Variants in UBR3 observed in about 807,000 individuals in gnomAD.
UBR3 encodes the protein E3 ubiquitin-protein ligase UBR3.
UBR3 carries 85 observed loss-of-function variants against 243.2 expected under a neutral mutation model. That is an observed-to-expected ratio of 0.35 (90% CI 0.29 to 0.42). UBR3 has a LOEUF of 0.42. Ranked by LOEUF, UBR3 falls within the 10% of genes least tolerant of loss-of-function variation. The pLI, the probability that UBR3 is intolerant of heterozygous loss-of-function variation, is 1.00. For missense variants in UBR3, 1,686 were observed against 2,300.8 expected (o/e 0.73, Z 5.47); for synonymous variants, 748 against 799.8 (o/e 0.94, Z 1.09).
chr2:170,012,418 T>C (rs2090111901), intron 29 of UBR3, among the ~76,000 whole-genome samples: 1 of 152,160 alleles, frequency 6.6e-6, no homozygotes, highest in African/African-American at 2.4e-5. Context: ...TTTGAAATAG[T>C]CCCTGTTCTC....
At chr2:169,987,505 T>C (rs1404675476) in intron 25 of UBR3, among the ~76,000 whole-genome samples, 1 of 151,532 alleles carries the variant, frequency 6.6e-6, no homozygotes, top group Non-Finnish European at 1.5e-5. Context: ...TTTAGACAGC[T>C]CTGCCTTTAT....
At chr2:169,864,607 A>G (rs891385816) in intron 1 of UBR3, among the ~76,000 whole-genome samples, 1 of 151,806 alleles carries the variant, frequency 6.6e-6, no homozygotes, top group African/African-American at 2.4e-5. Flanking sequence ...CATCTCTACT[A>G]AAAATACAAA....
At chr2:169,855,916 C>A (rs1201716977) in intron 1 of UBR3, among the ~76,000 whole-genome samples, 1 of 151,584 alleles carries the variant, frequency 6.6e-6, no homozygotes, top group African/African-American at 2.4e-5. Flanking sequence ...ACTTCCCAGA[C>A]GGGGCAGCCA....
Position 170,007,146 on chromosome 2 carries a change from A to G in UBR3, c.4186A>G (p.Ile1396Val). The part of the protein sequence containing the change: ...RPSNKSIQDL[I>V]KEVEELQGRP... ...TAGCAACAAAAGCATACAAGATCTCATAAAGGAAGTGGAGGAGCTGCAGGG... is the reference window on the plus strand; with the variant it reads ...TAGCAACAAAAGCATACAAGATCTCGTAAAGGAAGTGGAGGAGCTGCAGGG... Residue 1396 changes from isoleucine to valine, a missense_variant, in exon 28 of 39, where the codon ATA (isoleucine) becomes GTA (valine). Ile to Val is a conservative substitution (Grantham distance 29, BLOSUM62 3). Around this residue, in one of 8 missense-constraint regions of UBR3, gnomAD observed 371 missense variants for 422.5 expected, o/e 0.88. Transcript: ENST00000272793. The G allele has an allele frequency of 4.3e-6, 7 of 1,610,832 alleles. No homozygotes were observed. Among genetic ancestry groups the G allele is most frequent in the Non-Finnish European group, 5.9e-6 (7 of 1,177,726 alleles).
intron 11 of UBR3, among the ~76,000 whole-genome samples, chr2:169,920,078 A>T (rs968140084): frequency 6.6e-6 from 1 of 152,236 alleles, no homozygotes; most frequent in Admixed American, 6.5e-5. Context: ...CAACAATGAT[A>T]GAGTGGATTA....
At chr2:170,025,063 A>G (rs985358311) in intron 30 of UBR3, among the ~76,000 whole-genome samples, 2 of 152,164 alleles carry the variant, frequency 1.3e-5, no homozygotes, top group Non-Finnish European at 2.9e-5. Flanking sequence ...GTAGAAAACC[A>G]TCATGAATTT....
intron 8 of UBR3, among the ~76,000 whole-genome samples, chr2:169,898,659 ACTT>A (rs1212259824): frequency 5.8e-5 from 8 of 138,566 alleles, no homozygotes; most frequent in African/African-American, 2.2e-4. Flanking sequence ...TAAAGAATAT[ACTT>A]CTTCACCTTT....
At position 169,905,020 on chromosome 2, in the gene UBR3, A is replaced by G. The variant is rs562246929; in HGVS notation, c.1466-94A>G. The G allele has an allele frequency of 6.7e-6, 7 of 1,052,330 alleles. No homozygotes were observed. In the African/African-American group the frequency reaches 1.2e-4, roughly 17 times the overall value. The allele number at this position is 1,052,330 out of a possible 1,614,324, so 65.2% of individuals were successfully genotyped here. A position where few individuals can be genotyped will look rare whatever the true frequency, so the allele number is the denominator to read the frequency against. ...GGAAGGCTGGGGTTTGAATTTAGGT[A>G]TATCTGATTCTAAAGTATATATATT... On this transcript the variant is annotated intron_variant, in intron 8 of 38. Coordinates refer to ENST00000272793, the MANE Select transcript of UBR3 (RefSeq NM_172070.4).
intron 2 of UBR3, among the ~76,000 whole-genome samples, chr2:169,873,047 A>C (rs1487033138): frequency 6.6e-6 from 1 of 152,064 alleles, no homozygotes; most frequent in East Asian, 1.9e-4. Flanking sequence ...GTATGAATCA[A>C]ATTTATTAAC....
intron 1 of UBR3, among the ~76,000 whole-genome samples, chr2:169,838,838 C>G (rs1196590677): frequency 2.0e-5 from 3 of 152,160 alleles, no homozygotes; most frequent in Non-Finnish European, 4.4e-5. Context: ...CATCCTGTGG[C>G]AGATTTCTCT....
intron 1 of UBR3, among the ~76,000 whole-genome samples, chr2:169,835,364 T>A (rs1188926232): frequency 6.6e-6 from 1 of 152,038 alleles, no homozygotes; most frequent in Non-Finnish European, 1.5e-5. Flanking sequence ...AGTGACCTCA[T>A]CTCTTGAAAA....
intron 8 of UBR3, among the ~76,000 whole-genome samples, chr2:169,903,367 A>C (rs1268839381): frequency 1.3e-5 from 2 of 152,228 alleles, no homozygotes; most frequent in African/African-American, 2.4e-5. Context: ...AAAAAATCCC[A>C]ACATTCCTTA....
At chr2:170,078,637 A>G (rs974578435) in intron 36 of UBR3, among the ~76,000 whole-genome samples, 1 of 152,216 alleles carries the variant, frequency 6.6e-6, no homozygotes, top group African/African-American at 2.4e-5. Flanking sequence ...GATTTAAAAT[A>G]CCACAGCTTT....
intron 1 of UBR3, among the ~76,000 whole-genome samples, chr2:169,861,139 G>A (rs1559031842): frequency 6.6e-6 from 1 of 152,202 alleles, no homozygotes; most frequent in Non-Finnish European, 1.5e-5. Context: ...CCCAGAATGA[G>A]GGTGGGTCTG....
chr2:169,832,959 G>A (rs545805222), intron 1 of UBR3, among the ~76,000 whole-genome samples: 70 of 152,134 alleles, frequency 4.6e-4, no homozygotes, highest in Non-Finnish European at 6.9e-4. Flanking sequence ...CTTTATGGGT[G>A]GATGAACTCA....
chr2:169,976,585 AT>A (rs1240581181), intron 24 of UBR3, among the ~76,000 whole-genome samples: 1 of 151,968 alleles, frequency 6.6e-6, no homozygotes, highest in Non-Finnish European at 1.5e-5. Flanking sequence ...GAAAATATCT[AT>A]TTTTTACTGG....
Position 170,038,845 on chromosome 2 carries a change from ATTAC to A in UBR3, c.4557-2034_4557-2031del, listed in dbSNP as rs141737216. On this transcript the variant is annotated intron_variant, in intron 31 of 38. Coordinates refer to ENST00000272793, the MANE Select transcript of UBR3 (RefSeq NM_172070.4). ...ATTGCTTTTAGTGGCAGAAACAGCA[ATTAC>A]TTTGGCACCAGCATAATAGAATGGT... 6.3e-3 allele frequency among the ~76,000 whole-genome samples: 961 copies of A among 152,200 alleles called. 6 individuals carry two copies. The highest frequency in any genetic ancestry group is 0.022 in the African/African-American group (899 of 41,538).
Position 169,990,743 on chromosome 2 carries a change from A to ACACACACACACACACG in UBR3, c.3785-3574_3785-3573insCACACACACGCACACA, listed in dbSNP as rs1283427385. On this transcript the variant is annotated intron_variant, in intron 25 of 38. Coordinates refer to ENST00000272793, the MANE Select transcript of UBR3 (RefSeq NM_172070.4). Reference sequence around the variant, plus strand: ...CACACACACACACACACACACACACACACACATAAAAGAAAAGAGAAGGGA... The same window carrying ACACACACACACACACG: ...CACACACACACACACACACACACACACACACACACACACACGCACACATAAAAGAAAAGAGAAGGGA... Among the ~76,000 whole-genome samples the ACACACACACACACACG allele has an allele frequency of 1.5e-4, 23 of 148,566 alleles. No individual in the cohort carries two copies. The South Asian group carries it at 4.3e-3, about 28-fold the overall frequency.
rs150988285 is a variant in UBR3 at position 170,036,036 on chromosome 2, A to G, written c.4557-4846A>G. ...TCTTGTGTCCTGTAGCCTTGTTACA[A>G]TCATTTATCAGTTCCAGGAGTTTTT... On this transcript the variant is annotated intron_variant, in intron 31 of 38. Coordinates refer to ENST00000272793, the MANE Select transcript of UBR3 (RefSeq NM_172070.4). Among the ~76,000 whole-genome samples the G allele has an allele frequency of 4.0e-3, 608 of 151,978 alleles. 10 individuals carry two copies. Among genetic ancestry groups the G allele is most frequent in the East Asian group, 0.034 (174 of 5,174 alleles).
Sources: gnomAD v4.1 joint callset for allele counts (sites outside exome capture counted in the v4.1 genomes callset) on GRCh38, gnomAD v4.1.1 for gene constraint, gnomAD v4.1.1 regional missense constraint, MANE v1.5 for transcripts, NCBI Gene and HGNC (gene_info 2026-07-23, HGNC 2026-07-21) for gene names.